The following ELP4 variants were observed in gnomAD, a reference collection of about 807,000 sequenced individuals.
The protein encoded by ELP4 is elongator complex protein 4.
ELP4 carries 51 observed loss-of-function variants against 48.9 expected under a neutral mutation model. That is an observed-to-expected ratio of 1.04 (90% CI 0.83 to 1.32). The LOEUF (loss-of-function observed/expected upper bound fraction) is 1.32, where lower values mean the gene tolerates loss of function less well. ELP4 is among the 40% of genes most tolerant of loss of function. ELP4 has a pLI of 0.00. For synonymous variants in ELP4, 210 were observed against 189.2 expected, an observed-to-expected ratio of 1.11 and a Z score of -0.90; for missense variants, 519 against 514.6, an observed-to-expected ratio of 1.01 and a Z score of -0.08.
At chr11:31,745,211 C>T (rs1472113208) in intron 9 of ELP4, among the ~76,000 whole-genome samples, 1 of 152,154 alleles carries the variant, frequency 6.6e-6, no homozygotes, top group Non-Finnish European at 1.5e-5. Flanking sequence ...TCAAGGAGAA[C>T]TACAAACCAC....
At chr11:31,683,702 C>A (rs1253968668) in intron 9 of ELP4, among the ~76,000 whole-genome samples, 1 of 151,926 alleles carries the variant, frequency 6.6e-6, no homozygotes, top group Admixed American at 6.6e-5. Context: ...ACTAGAGATA[C>A]AAAAATAAGA....
At chr11:31,609,378 G>C (rs567330867) in intron 5 of ELP4, among the ~76,000 whole-genome samples, 5 of 152,100 alleles carry the variant, frequency 3.3e-5, no homozygotes, top group Non-Finnish European at 7.4e-5. Context: ...TTTTAAGTTT[G>C]CACCATATGT....
chr11:31,722,983 T>C (rs1422959631), intron 9 of ELP4, among the ~76,000 whole-genome samples: 1 of 152,194 alleles, frequency 6.6e-6, no homozygotes, highest in East Asian at 1.9e-4. Flanking sequence ...CAGCCCTCTC[T>C]GGATGGCTTT....
intron 9 of ELP4, among the ~76,000 whole-genome samples, chr11:31,718,708 T>G (rs1946892440): frequency 6.6e-6 from 1 of 152,196 alleles, no homozygotes; most frequent in Non-Finnish European, 1.5e-5. Flanking sequence ...GGTGGTCACT[T>G]CTTACATGAT....
intron 9 of ELP4, among the ~76,000 whole-genome samples, chr11:31,700,467 G>A (rs1451535982): frequency 6.6e-6 from 1 of 152,054 alleles, no homozygotes; most frequent in Non-Finnish European, 1.5e-5. Flanking sequence ...ATAGCTTTAT[G>A]TCCATGTAGA....
intron 6 of ELP4, among the ~76,000 whole-genome samples, chr11:31,630,799 G>A (rs1399917476): frequency 2.0e-5 from 3 of 152,054 alleles, no homozygotes; most frequent in Non-Finnish European, 4.4e-5. Context: ...AGAAAAATTA[G>A]CTAGATCTGG....
At chr11:31,617,541 T>TC (rs1944515979) in intron 5 of ELP4, among the ~76,000 whole-genome samples, 1 of 151,972 alleles carries the variant, frequency 6.6e-6, no homozygotes, top group Non-Finnish European at 1.5e-5. Context: ...ACATATATAC[T>TC]CAAAAGTGGT....
At chr11:31,623,517 C>T (rs1944671276) in intron 5 of ELP4, among the ~76,000 whole-genome samples, 1 of 149,288 alleles carries the variant, frequency 6.7e-6, no homozygotes, top group Admixed American at 6.7e-5. Context: ...TTAATATTCA[C>T]AATTGATAAT....
intron 9 of ELP4, among the ~76,000 whole-genome samples, chr11:31,666,154 G>T (rs1239541066): frequency 6.6e-6 from 1 of 151,234 alleles, no homozygotes; most frequent in Non-Finnish European, 1.5e-5. Flanking sequence ...GATTACAGGA[G>T]TGGGCTACCA....
At chr11:31,637,105 A>G (rs1160007791) in intron 7 of ELP4, among the ~76,000 whole-genome samples, 2 of 151,830 alleles carry the variant, frequency 1.3e-5, no homozygotes, top group Non-Finnish European at 2.9e-5. Context: ...CGGCTCCCCT[A>G]TATTCCAGCA....
rs144535081 is a variant in ELP4 at position 31,554,218 on chromosome 11, G to A, written c.381+14435G>A. Reference sequence around the variant, plus strand: ...GATAGAAATAAAATGCACAATAAATGTAATGCTCTTGAATCATCCAGAAAC... The same window carrying A: ...GATAGAAATAAAATGCACAATAAATATAATGCTCTTGAATCATCCAGAAAC... On this transcript the variant is annotated intron_variant, in intron 3 of 9. Coordinates refer to ENST00000640961, the MANE Select transcript of ELP4 (RefSeq NM_019040.5). 1.9e-4 allele frequency among the ~76,000 whole-genome samples: 29 copies of A among 152,254 alleles called. No homozygotes were observed. The East Asian group carries it at 5.4e-3, about 28-fold the overall frequency.
intron 9 of ELP4, among the ~76,000 whole-genome samples, chr11:31,746,998 A>T (rs1042025054): frequency 2.0e-5 from 3 of 151,974 alleles, no homozygotes; most frequent in Non-Finnish European, 2.9e-5. Flanking sequence ...TCAGACTTTT[A>T]AATATATATG....
chr11:31,631,588 C>G (rs1944862554), intron 6 of ELP4, among the ~76,000 whole-genome samples: 1 of 152,038 alleles, frequency 6.6e-6, no homozygotes, highest in African/African-American at 2.4e-5. Context: ...ATGTTCTTTT[C>G]CCAAGAAATA....
At chr11:31,637,278 TAGAC>T (rs1340016662) in intron 7 of ELP4, 1 of 151,722 alleles carries the variant, frequency 6.6e-6, no homozygotes, top group African/African-American at 2.4e-5. Context: ...ACTCAAGCAG[TAGAC>T]AGACCTTTAG....
intron 9 of ELP4, among the ~76,000 whole-genome samples, chr11:31,754,361 C>T (rs1451586197): frequency 6.6e-6 from 1 of 152,118 alleles, no homozygotes; most frequent in Non-Finnish European, 1.5e-5. Context: ...TTCCCTAGCA[C>T]TTTCCCCCTA....
intron 9 of ELP4, among the ~76,000 whole-genome samples, chr11:31,738,012 A>G (rs1269608256): frequency 4.6e-5 from 7 of 152,154 alleles, no homozygotes; most frequent in African/African-American, 9.7e-5. Flanking sequence ...AACATTATCC[A>G]TAATAGCCAA....
At chr11:31,510,935 T>C (rs1277403207) in intron 1 of ELP4, 1 of 152,274 alleles carries the variant, frequency 6.6e-6, no homozygotes, top group Admixed American at 6.5e-5. Context: ...GTGTGTGATA[T>C]GTGTCTGTTA....
chr11:31,742,290 G>A (rs984700240), intron 9 of ELP4, among the ~76,000 whole-genome samples: 4 of 152,180 alleles, frequency 2.6e-5, no homozygotes, highest in African/African-American at 7.2e-5. Flanking sequence ...TGAAAGTGAC[G>A]GTGAGAATGG....
chr11:31,779,712 G>A (rs1435519401), intron 9 of ELP4: 1 of 152,216 alleles, frequency 6.6e-6, no homozygotes, highest in Non-Finnish European at 1.5e-5. Context: ...CCTCCTTGCA[G>A]CGTTGATCCA....
Sources: allele counts gnomAD v4.1 joint callset (sites outside exome capture counted in the v4.1 genomes callset), GRCh38; gene constraint gnomAD v4.1.1; transcripts MANE v1.5; gene names NCBI Gene and HGNC (gene_info 2026-07-23, HGNC 2026-07-21).